The following KCNN2 variants were observed in gnomAD, a reference collection of about 807,000 sequenced individuals.
The protein encoded by KCNN2 is small conductance calcium-activated potassium channel protein 2.
Under a neutral mutation model 55.5 loss-of-function variants are expected in KCNN2, and 24 were observed. The observed-to-expected ratio is 0.43, with a 90% confidence interval of 0.31 to 0.61. KCNN2 has a LOEUF of 0.61. KCNN2 is among the 20% of genes least tolerant of loss of function. The probability of loss-of-function intolerance (pLI) is 0.08; values close to 1 mark genes in which losing one functional copy is unlikely to be tolerated. For synonymous variants in KCNN2, 431 were observed against 336.1 expected, an observed-to-expected ratio of 1.28 and a Z score of -3.09; for missense variants, 754 against 853.6, an observed-to-expected ratio of 0.88 and a Z score of 1.45.
At chr5:114,100,649 C>T (rs76797643) in intron 1 of KCNN2, among the ~76,000 whole-genome samples, 3,045 of 152,098 alleles carry the variant, frequency 0.02, 112 homozygotes, top group African/African-American at 0.071. Flanking sequence ...GGCAATGAGT[C>T]CCCAGTGACA....
At chr5:114,483,373 C>G (rs138647654) in intron 5 of KCNN2, among the ~76,000 whole-genome samples, 6,181 of 148,420 alleles carry the variant, frequency 0.042, 171 homozygotes, top group South Asian at 0.083. Context: ...CTCCTGGGTT[C>G]AAGCGATTCT....
chr5:114,343,484 G>A (rs1029482554), intron 2 of KCNN2, among the ~76,000 whole-genome samples: 3 of 152,104 alleles, frequency 2.0e-5, no homozygotes, highest in African/African-American at 7.2e-5. Flanking sequence ...AGGATTTAGA[G>A]GGAATTTTAG....
intron 5 of KCNN2, among the ~76,000 whole-genome samples, chr5:114,480,300 G>T (rs553595066): frequency 6.6e-6 from 1 of 151,866 alleles, no homozygotes; most frequent in Non-Finnish European, 1.5e-5. Context: ...ACCCTCCTAC[G>T]ACCGAACCAA....
At chr5:114,146,343 T>G (rs1752397467) in intron 1 of KCNN2, among the ~76,000 whole-genome samples, 1 of 152,194 alleles carries the variant, frequency 6.6e-6, no homozygotes, top group African/African-American at 2.4e-5. Context: ...CTTTCTACAA[T>G]AGCTTGGCTT....
chr5:114,386,512 T>C (rs1758292745), intron 2 of KCNN2, among the ~76,000 whole-genome samples: 1 of 152,206 alleles, frequency 6.6e-6, no homozygotes, highest in East Asian at 1.9e-4. Flanking sequence ...GCTTTCTTTT[T>C]AAAAATTTCC....
intron 2 of KCNN2, among the ~76,000 whole-genome samples, chr5:114,347,065 A>T (rs894892057): frequency 1.1e-4 from 16 of 152,358 alleles, no homozygotes; most frequent in Admixed American, 1.0e-3. Flanking sequence ...ATAAATAAGT[A>T]CATTAGGAAG....
intron 2 of KCNN2, among the ~76,000 whole-genome samples, chr5:114,242,158 CTTA>C (rs1159342119): frequency 6.6e-6 from 1 of 151,732 alleles, no homozygotes; most frequent in Non-Finnish European, 1.5e-5. Context: ...AGCATGCCTG[CTTA>C]TTATTATTTA....
intron 1 of KCNN2, among the ~76,000 whole-genome samples, chr5:114,135,873 GA>G (rs1404837652): frequency 1.3e-5 from 2 of 152,126 alleles, no homozygotes; most frequent in African/African-American, 4.8e-5. Context: ...AAAGCTCTTG[GA>G]AATTAATATA....
chr5:114,292,759 T>G (rs1755922942), intron 2 of KCNN2, among the ~76,000 whole-genome samples: 1 of 152,242 alleles, frequency 6.6e-6, no homozygotes, highest in Admixed American at 6.5e-5. Flanking sequence ...GGGGATGGCA[T>G]TGAATCTATA....
chr5:114,177,088 T>C, intron 1 of KCNN2, among the ~76,000 whole-genome samples: 1 of 151,944 alleles, frequency 6.6e-6, no homozygotes, highest in East Asian at 1.9e-4. Context: ...TTCAAATTAT[T>C]AAATATAAGA....
chr5:114,290,230 T>C (rs772343327), intron 2 of KCNN2, among the ~76,000 whole-genome samples: 1 of 152,190 alleles, frequency 6.6e-6, no homozygotes, highest in Non-Finnish European at 1.5e-5. Context: ...AATCTGGTGC[T>C]GGACTTTTCT....
At chr5:114,456,719 G>A (rs1760942228) in intron 3 of KCNN2, among the ~76,000 whole-genome samples, 1 of 152,214 alleles carries the variant, frequency 6.6e-6, no homozygotes, top group Non-Finnish European at 1.5e-5. Context: ...CAGGAGTTTG[G>A]AAGAAGTTGA....
intron 1 of KCNN2, among the ~76,000 whole-genome samples, chr5:114,116,323 A>G (rs1457993477): frequency 1.3e-5 from 2 of 152,194 alleles, no homozygotes; most frequent in Non-Finnish European, 2.9e-5. Flanking sequence ...TTTAAATAAA[A>G]GAAAGTTTTT....
rs538552963 is a variant in KCNN2 at position 114,474,296 on chromosome 5, C to T, written c.1890+1132C>T. ...AAAACATGAATTGCTATTGCCTGCT[C>T]ATGCTAAGTCTTACCTATCAGACAG... On this transcript the variant is annotated intron_variant, in intron 5 of 7. Coordinates refer to ENST00000673685, the MANE Select transcript of KCNN2 (RefSeq NM_021614.4). 3.9e-5 allele frequency among the ~76,000 whole-genome samples: 6 copies of T among 152,258 alleles called. No homozygotes were observed. The South Asian group carries it at 1.2e-3, about 32-fold the overall frequency.
At chr5:114,389,406 T>C (rs1162661042) in intron 2 of KCNN2, among the ~76,000 whole-genome samples, 1 of 152,170 alleles carries the variant, frequency 6.6e-6, no homozygotes, top group African/African-American at 2.4e-5. Flanking sequence ...TTGCTTGGGT[T>C]CATATGCTAG....
At chr5:114,246,793 G>A (rs976590440) in intron 2 of KCNN2, among the ~76,000 whole-genome samples, 1 of 151,964 alleles carries the variant, frequency 6.6e-6, no homozygotes, top group African/African-American at 2.4e-5. Flanking sequence ...TGGAATATTA[G>A]TTAATATATA....
chr5:114,467,448 GTTTAATTT>G (rs1472387277), intron 4 of KCNN2, among the ~76,000 whole-genome samples: 1 of 152,168 alleles, frequency 6.6e-6, no homozygotes, highest in African/African-American at 2.4e-5. Context: ...GACATTGGGT[GTTTAATTT>G]TGAAGAGGTT....
intron 1 of KCNN2, among the ~76,000 whole-genome samples, chr5:114,201,524 A>G (rs972783935): frequency 1.3e-5 from 2 of 152,120 alleles, no homozygotes; most frequent in Non-Finnish European, 2.9e-5. Context: ...GTTTCCTAGC[A>G]ACCTAGAGCA....
upstream of KCNN2, among the ~76,000 whole-genome samples, chr5:114,359,324 G>A (rs1364997633): frequency 6.6e-6 from 1 of 152,124 alleles, no homozygotes. Context: ...TTGAAGAGAA[G>A]TGAGAACTCC....
Sources: gnomAD v4.1 joint callset for allele counts (sites outside exome capture counted in the v4.1 genomes callset) on GRCh38, gnomAD v4.1.1 for gene constraint, MANE v1.5 for transcripts, NCBI Gene and HGNC (gene_info 2026-07-23, HGNC 2026-07-21) for gene names.